IQCM: variants seen among roughly 807,000 people sequenced by gnomAD.
IQCM encodes the protein IQ motif containing M, also known as IQ domain-containing protein M.
A neutral mutation model predicts 57.6 loss-of-function variants in IQCM; 45 were observed. The ratio of observed to expected loss-of-function variants is 0.78; its 90% CI spans 0.62 to 1.00. The LOEUF is 1.00. IQCM is among the 50% of genes least tolerant of loss of function. The pLI is 0.00. For synonymous variants in IQCM, 148 were observed against 158.9 expected, an observed-to-expected ratio of 0.93 and a Z score of 0.51; for missense variants, 468 against 511.6, an observed-to-expected ratio of 0.91 and a Z score of 0.82.
chr4:149,595,552 G>C (rs1436017402), intron 8 of IQCM, among the ~76,000 whole-genome samples: 1 of 152,096 alleles, frequency 6.6e-6, no homozygotes, highest in Non-Finnish European at 1.5e-5. Flanking sequence ...ATTAACACTA[G>C]CATTTGCCCT....
chr4:149,393,838 T>A (rs544339120), intron 13 of IQCM, among the ~76,000 whole-genome samples: 1 of 152,150 alleles, frequency 6.6e-6, no homozygotes, highest in South Asian at 2.1e-4. Context: ...AAATTTTTTC[T>A]GAAAGATATA....
In IQCM at chr4:149,673,735, A is replaced by T. The variant is rs572790295; in HGVS notation, c.565+8383T>A. ...TCAATGAGACAGAAAGTTAACAAGG[A>T]TATCCAGGAATTGAACTCAGCTCTG... On this transcript the variant is annotated intron_variant, in intron 7 of 13. Coordinates refer to ENST00000636793, the MANE Select transcript of IQCM (RefSeq NM_001363507.2). Among the ~76,000 whole-genome samples, 6 of 152,282 alleles carry T rather than the reference A, an allele frequency of 3.9e-5. No individual in the cohort carries two copies. In the East Asian group the frequency reaches 1.2e-3, roughly 30 times the overall value.
At chr4:149,538,484 A>G (rs929999443) in intron 12 of IQCM, among the ~76,000 whole-genome samples, 4 of 151,994 alleles carry the variant, frequency 2.6e-5, no homozygotes, top group African/African-American at 9.7e-5. Flanking sequence ...GGGACAAAGG[A>G]GACGTGAATC....
chr4:149,412,735 T>C (rs1397218217), intron 13 of IQCM, among the ~76,000 whole-genome samples: 2 of 152,184 alleles, frequency 1.3e-5, no homozygotes, highest in African/African-American at 4.8e-5. Flanking sequence ...GTATGCAAAT[T>C]CAGAGGAGGC....
intron 2 of IQCM, among the ~76,000 whole-genome samples, 151 bp downstream of exon 2, chr4:149,815,160 G>A (rs976979450): frequency 5.9e-5 from 9 of 151,860 alleles, no homozygotes; most frequent in African/African-American, 2.2e-4. Context: ...ATTTTAAGTA[G>A]CCCAAATAAG....
In IQCM at chr4:149,590,802, T is replaced by C. The variant is rs550471435; in HGVS notation, c.682-2805A>G. ...GAGCTCATCCTTTTTTATAGCTGCA[T>C]AGTATTCCATGGTGTATATGTGCCA... On this transcript the variant is annotated intron_variant, in intron 8 of 13. Coordinates refer to ENST00000636793, the MANE Select transcript of IQCM (RefSeq NM_001363507.2). 2.2e-4 allele frequency among the ~76,000 whole-genome samples: 34 copies of C among 152,242 alleles called. No individual in the cohort carries two copies. The East Asian group carries it at 6.4e-3, about 29-fold the overall frequency.
chr4:149,494,814 T>TCAAAG (rs1309180200), intron 12 of IQCM, among the ~76,000 whole-genome samples: 3 of 152,090 alleles, frequency 2.0e-5, no homozygotes, highest in Non-Finnish European at 4.4e-5. Context: ...CATATATTAT[T>TCAAAG]CAAAGCACAG....
chr4:149,397,694 T>A (rs1042922397), intron 13 of IQCM, among the ~76,000 whole-genome samples: 1 of 152,000 alleles, frequency 6.6e-6, no homozygotes, highest in African/African-American at 2.4e-5. Context: ...ATACAACAAT[T>A]TTTTAGTCTT....
rs974303698 is a variant in IQCM at position 149,362,226 on chromosome 4, A to G, written c.1391-10160T>C. Among the ~76,000 whole-genome samples, 4 of 152,044 alleles carry G rather than the reference A, an allele frequency of 2.6e-5. 1 individual carries two copies. On this transcript the variant is annotated intron_variant, in intron 13 of 13. Coordinates refer to ENST00000636793, the MANE Select transcript of IQCM (RefSeq NM_001363507.2). ...TTTTACAGGGTCCTAAGCAGAAGGG[A>G]CTTGCCTTATCTCAGATGAGACTTT...
At chr4:149,356,341 T>A (rs1382146476) in intron 13 of IQCM, among the ~76,000 whole-genome samples, 6 of 152,162 alleles carry the variant, frequency 3.9e-5, no homozygotes, top group African/African-American at 9.7e-5. Flanking sequence ...CTGAATGGTA[T>A]TGCCTAGGTT....
intron 13 of IQCM, among the ~76,000 whole-genome samples, chr4:149,422,913 A>G (rs937016437): frequency 1.3e-5 from 2 of 152,038 alleles, no homozygotes; most frequent in African/African-American, 2.4e-5. Flanking sequence ...ATTAGAGAGT[A>G]AGTGCTTGGT....
chr4:149,361,076 ACT>A (rs1310445850), intron 13 of IQCM, among the ~76,000 whole-genome samples: 10 of 152,028 alleles, frequency 6.6e-5, no homozygotes, highest in African/African-American at 2.4e-4. Context: ...AGTAAAGGTG[ACT>A]CTTGTTACAT....
chr4:149,373,310 T>C (rs1250134719), intron 13 of IQCM, among the ~76,000 whole-genome samples: 1 of 152,148 alleles, frequency 6.6e-6, no homozygotes, highest in Non-Finnish European at 1.5e-5. Flanking sequence ...GTAAACTCCA[T>C]GACTGGACTT....
intron 7 of IQCM, among the ~76,000 whole-genome samples, chr4:149,647,654 G>T (rs1260171087): frequency 6.7e-6 from 1 of 150,278 alleles, no homozygotes; most frequent in Non-Finnish European, 1.5e-5. Flanking sequence ...CTTTTTGCTG[G>T]CTTTTAAAAA....
intron 7 of IQCM, among the ~76,000 whole-genome samples, chr4:149,681,508 G>A (rs1183189069): frequency 1.3e-5 from 2 of 151,014 alleles, no homozygotes; most frequent in Non-Finnish European, 3.0e-5. Context: ...CCAAACAAAA[G>A]GTGGTAAAAT....
intron 12 of IQCM, among the ~76,000 whole-genome samples, chr4:149,538,137 CTT>C (rs1345296803): frequency 6.6e-6 from 1 of 151,280 alleles, no homozygotes; most frequent in Non-Finnish European, 1.5e-5. Flanking sequence ...AATGTCTTCT[CTT>C]AACTCCTTTC....
intron 7 of IQCM, among the ~76,000 whole-genome samples, chr4:149,652,324 T>C (rs1468464046): frequency 6.6e-6 from 1 of 151,704 alleles, no homozygotes; most frequent in Non-Finnish European, 1.5e-5. Context: ...AGGGAGAGCA[T>C]TAGGACAAAT....
At chr4:149,561,896 C>T (rs1159582562) in intron 10 of IQCM, among the ~76,000 whole-genome samples, 2 of 151,994 alleles carry the variant, frequency 1.3e-5, no homozygotes, top group Admixed American at 1.3e-4. Context: ...CTTGATGGAC[C>T]AGAGAGGGTG....
intron 2 of IQCM, among the ~76,000 whole-genome samples, chr4:149,762,925 T>TACATATTTACATGAGGTGC (rs1244905009): frequency 1.3e-5 from 2 of 152,084 alleles, no homozygotes; most frequent in Non-Finnish European, 2.9e-5. Flanking sequence ...TAAATTTAAA[T>TACATATTTACATGAGGTGC]ACATATTTAC....
Sources: allele counts gnomAD v4.1 joint callset (sites outside exome capture counted in the v4.1 genomes callset), GRCh38; gene constraint gnomAD v4.1.1; transcripts MANE v1.5; gene names NCBI Gene and HGNC (gene_info 2026-07-23, HGNC 2026-07-21).